The following SLC12A8 variants were observed in gnomAD, a reference collection of about 807,000 sequenced individuals.
The protein encoded by SLC12A8 is solute carrier family 12 member 8, also known as cation-chloride cotransporter 9.
A neutral mutation model predicts 75.6 loss-of-function variants in SLC12A8; 69 were observed. The ratio of observed to expected loss-of-function variants is 0.91; its 90% confidence interval spans 0.75 to 1.11. The LOEUF is 1.11. Among genes scored for constraint, SLC12A8 ranks in the 50% most tolerant of loss-of-function variants. SLC12A8 has a pLI of 0.00. For missense variants in SLC12A8, 877 were observed against 896.7 expected (o/e 0.98, Z 0.28); for synonymous variants, 365 against 372.8 (o/e 0.98, Z 0.24).
intron 6 of SLC12A8, 50 bp from the exon 7 acceptor site, chr3:125,120,736 C>T (rs375236715): frequency 7.0e-7 from 1 of 1,419,660 alleles, no homozygotes; most frequent in South Asian, 1.2e-5. Flanking sequence ...CTCCACGCAT[C>T]GCCTTCCCCA....
chr3:125,186,521 C>T (rs1208500073), intron 4 of SLC12A8, among the ~76,000 whole-genome samples: 1 of 152,250 alleles, frequency 6.6e-6, no homozygotes, highest in Admixed American at 6.5e-5. Context: ...CCACCCACCA[C>T]CATTTGCACT....
chr3:125,193,068 T>C (rs930288260), intron 2 of SLC12A8, among the ~76,000 whole-genome samples: 3 of 152,162 alleles, frequency 2.0e-5, no homozygotes, highest in African/African-American at 7.2e-5. Context: ...CAGGCATCCA[T>C]GTAGAAATAG....
intron 12 of SLC12A8, among the ~76,000 whole-genome samples, chr3:125,088,863 C>T (rs1938522645): frequency 6.6e-6 from 1 of 152,120 alleles, no homozygotes; most frequent in African/African-American, 2.4e-5. Context: ...TCAAATAGTT[C>T]CACATGTAGA....
intron 2 of SLC12A8, among the ~76,000 whole-genome samples, chr3:125,190,878 G>C (rs1934897669): frequency 6.6e-6 from 1 of 152,242 alleles, no homozygotes; most frequent in Admixed American, 6.5e-5. Context: ...AGAAGTGGCT[G>C]TGTGACTGAG....
chr3:125,208,801 G>C (rs1462598262), intron 2 of SLC12A8, among the ~76,000 whole-genome samples: 5 of 141,236 alleles, frequency 3.5e-5, no homozygotes, highest in East Asian at 2.0e-4. Context: ...CAGAGAGAGA[G>C]AGAGAGAGAG....
In SLC12A8 at chr3:125,130,996, C is replaced by T. The variant is rs185284344; in HGVS notation, c.736+4673G>A. 9.0e-4 allele frequency among the ~76,000 whole-genome samples: 137 copies of T among 152,366 alleles called. 1 individual carries two copies. Among genetic ancestry groups the T allele is most frequent in the Non-Finnish European group, 2.2e-4 (15 of 68,034 alleles). Reference sequence around the variant, plus strand: ...GTATCTTGGCCCAGGGGTCTTCACTCAGTGGGGACACTGCCAGGCTCCAGA... The same window carrying T: ...GTATCTTGGCCCAGGGGTCTTCACTTAGTGGGGACACTGCCAGGCTCCAGA... On this transcript the variant is annotated intron_variant, in intron 6 of 13. Coordinates refer to ENST00000469902, the MANE Select transcript of SLC12A8 (RefSeq NM_024628.6).
intron 10 of SLC12A8, among the ~76,000 whole-genome samples, chr3:125,092,696 T>C (rs1314071065): frequency 6.6e-6 from 1 of 152,102 alleles, no homozygotes; most frequent in Non-Finnish European, 1.5e-5. Flanking sequence ...GGAGGGAGAA[T>C]AGCTCCTCTG....
chr3:125,180,622 C>A (rs2107790089), intron 4 of SLC12A8, among the ~76,000 whole-genome samples: 1 of 152,206 alleles, frequency 6.6e-6, no homozygotes, highest in Non-Finnish European at 1.5e-5. Context: ...ACCCGGGAGA[C>A]AGAGGTTGCA....
intron 4 of SLC12A8, among the ~76,000 whole-genome samples, chr3:125,183,066 G>A (rs951240957): frequency 2.0e-5 from 3 of 152,020 alleles, no homozygotes; most frequent in African/African-American, 4.8e-5. Context: ...CTAAATCAGG[G>A]TATATCATCA....
intron 7 of SLC12A8, among the ~76,000 whole-genome samples, chr3:125,120,078 T>TC (rs1386676374): frequency 5.3e-5 from 8 of 151,582 alleles, no homozygotes; most frequent in African/African-American, 7.3e-5. Context: ...GTGCCTTCTC[T>TC]CCCCGCCGCA....
intron 2 of SLC12A8, among the ~76,000 whole-genome samples, chr3:125,207,846 G>A (rs1249288867): frequency 6.6e-6 from 1 of 152,142 alleles, no homozygotes; most frequent in Non-Finnish European, 1.5e-5. Context: ...TACTCCGCTG[G>A]GCTTCTGTGT....
intron 5 of SLC12A8, among the ~76,000 whole-genome samples, chr3:125,176,604 C>T (rs571675232): frequency 6.6e-6 from 1 of 152,198 alleles, no homozygotes; most frequent in African/African-American, 2.4e-5. Context: ...CCAGAATCTA[C>T]AATGAACTCA....
chr3:125,160,508 C>A (rs1336685613), intron 5 of SLC12A8, among the ~76,000 whole-genome samples: 1 of 152,246 alleles, frequency 6.6e-6, no homozygotes, highest in Non-Finnish European at 1.5e-5. Context: ...ATCCAAAGGT[C>A]CACAAGTCCT....
In SLC12A8 at chr3:125,092,137, A is replaced by G. The variant is rs1279226582; in HGVS notation, c.1767T>C (p.Tyr589=). Residue 589 remains tyrosine (Y), a synonymous_variant, in exon 11 of 14, where the codon TAT becomes TAC. Coordinates refer to ENST00000469902, the MANE Select transcript of SLC12A8 (RefSeq NM_024628.6). ...AGACCCAGGGGTTGCACATGTGGGT[A>G]TAGAAAGAAGTGGATCTTCTCCAGA... ...QDVWRRSTSF[Y]THMCNPWVSL... 1.2e-6 allele frequency: 2 copies of G among 1,612,968 alleles called. No individual in the cohort carries two copies. Among genetic ancestry groups the G allele is most frequent in the East Asian group, 4.5e-5 (2 of 44,840 alleles).
intron 3 of SLC12A8, among the ~76,000 whole-genome samples, chr3:125,187,800 C>G (rs1452938821): frequency 2.0e-5 from 3 of 150,096 alleles, no homozygotes; most frequent in Non-Finnish European, 4.4e-5. Flanking sequence ...GAAGGCCTCT[C>G]CTGCTCATTC....
intron 10 of SLC12A8, among the ~76,000 whole-genome samples, chr3:125,093,002 C>T (rs150005298): frequency 8.3e-4 from 127 of 152,232 alleles, no homozygotes; most frequent in African/African-American, 2.2e-3. Context: ...CCTACCTTTC[C>T]GAGTCTCCAA....
At chr3:125,099,590 A>C (rs2107736705) in intron 10 of SLC12A8, among the ~76,000 whole-genome samples, 1 of 152,340 alleles carries the variant, frequency 6.6e-6, no homozygotes. Flanking sequence ...TGAGAAAAAA[A>C]TTCGGATGAC....
At chr3:125,163,566 T>A (rs915251005) in intron 5 of SLC12A8, among the ~76,000 whole-genome samples, 1 of 145,708 alleles carries the variant, frequency 6.9e-6, no homozygotes, top group African/African-American at 2.5e-5. Flanking sequence ...GCCACTGCAC[T>A]CCAGCCTGGG....
At chr3:125,115,298 G>T (rs1449281953) in intron 8 of SLC12A8, among the ~76,000 whole-genome samples, 1 of 152,118 alleles carries the variant, frequency 6.6e-6, no homozygotes, top group African/African-American at 2.4e-5. Flanking sequence ...GAGGCGGGTG[G>T]ATCACCTGAG....
Sources: allele counts gnomAD v4.1 joint callset (sites outside exome capture counted in the v4.1 genomes callset), GRCh38; gene constraint gnomAD v4.1.1; transcripts MANE v1.5; gene names NCBI Gene and HGNC (gene_info 2026-07-23, HGNC 2026-07-21).